PHF20L1: variants seen among roughly 807,000 people sequenced by gnomAD.
PHF20L1 encodes PHD finger protein 20-like protein 1.
PHF20L1 carries 44 observed loss-of-function variants against 125.5 expected under a neutral mutation model. The observed-to-expected ratio is 0.35, with a 90% CI of 0.28 to 0.45. PHF20L1 has a LOEUF of 0.45. PHF20L1 is among the 20% of genes least tolerant of loss of function. PHF20L1 has a pLI of 1.00. For missense variants in PHF20L1, 1,012 were observed against 1,217.2 expected, an observed-to-expected ratio of 0.83 and a Z score of 2.51; for synonymous variants, 380 against 403.1, an observed-to-expected ratio of 0.94 and a Z score of 0.69.
At chr8:132,775,789 C>A (rs1829638083) in intron 1 of PHF20L1, 144 bp downstream of exon 1, 1 of 231,558 alleles carries the variant, frequency 4.3e-6, no homozygotes, top group East Asian at 8.5e-5. Flanking sequence ...GTCTGGGCGC[C>A]GCAGCTCCCT....
chr8:132,789,574 A>T (rs989799557), intron 2 of PHF20L1, among the ~76,000 whole-genome samples: 2 of 152,170 alleles, frequency 1.3e-5, no homozygotes, highest in African/African-American at 4.8e-5. Flanking sequence ...CATTTCCATT[A>T]AGCCAAATAA....
chr8:132,841,545 A>T (rs1837935400), intron 18 of PHF20L1: 1 of 152,138 alleles, frequency 6.6e-6, no homozygotes, highest in Non-Finnish European at 1.5e-5. Flanking sequence ...TGCAAACATT[A>T]TTGAGCCTTT....
chr8:132,792,834 T>TTGA (rs1204432511), intron 2 of PHF20L1, among the ~76,000 whole-genome samples: 1 of 152,336 alleles, frequency 6.6e-6, no homozygotes, highest in Non-Finnish European at 1.5e-5. Context: ...ACATGTTTTC[T>TTGA]TGACTCTAGT....
intron 2 of PHF20L1, among the ~76,000 whole-genome samples, chr8:132,787,826 TA>T (rs1563784541): frequency 6.6e-6 from 1 of 152,110 alleles, no homozygotes; most frequent in Non-Finnish European, 1.5e-5. Context: ...TTTTAAAGGG[TA>T]ACTAGGATAC....
chr8:132,833,845 C>T (rs941396), intron 15 of PHF20L1, among the ~76,000 whole-genome samples: 70,144 of 151,844 alleles, frequency 0.46, 16,343 homozygotes, highest in South Asian at 0.52. Context: ...ATTAATAAGG[C>T]CTTAGGCCAG....
chr8:132,804,522 T>G lies in PHF20L1; in HGVS notation c.722-93T>G. The G allele has an allele frequency of 3.2e-6, 3 of 941,180 alleles. No individual in the cohort carries two copies. The South Asian group carries it at 4.9e-5, about 15-fold the overall frequency. 58.3% of individuals were successfully genotyped at this position (941,180 alleles called of 1,614,324 possible). A position where few individuals can be genotyped will look rare whatever the true frequency, so the allele number is the denominator to read the frequency against. ...AAGTAGTAGATTAAAAAAACTAATG[T>G]GCAAAGCATTTTTACTATTTTGCTG... On this transcript the variant is annotated intron_variant, in intron 7 of 20. Coordinates refer to ENST00000395386, the MANE Select transcript of PHF20L1 (RefSeq NM_016018.5).
chr8:132,791,478 C>T (rs189024068), intron 2 of PHF20L1, among the ~76,000 whole-genome samples: 2 of 152,144 alleles, frequency 1.3e-5, no homozygotes. Context: ...GTCTCAAACT[C>T]CCGACCTCAG....
intron 1 of PHF20L1, among the ~76,000 whole-genome samples, chr8:132,776,180 C>A (rs1023615346): frequency 6.6e-6 from 1 of 152,298 alleles, no homozygotes; most frequent in East Asian, 1.9e-4. Context: ...TAATTCAAAT[C>A]CCTCTTCATC....
chr8:132,805,704 G>A (rs1301184763), intron 8 of PHF20L1, among the ~76,000 whole-genome samples: 1 of 151,934 alleles, frequency 6.6e-6, no homozygotes, highest in African/African-American at 2.4e-5. Context: ...TCTGAAGAGA[G>A]GAAGCTAACT....
intron 13 of PHF20L1, chr8:132,824,883 C>A: frequency 8.0e-6 from 3 of 375,446 alleles, no homozygotes; most frequent in Non-Finnish European, 1.3e-5. Context: ...TTTTAAATCT[C>A]CTAATTTATT....
chr8:132,805,539 T>G (rs1305466347), intron 8 of PHF20L1, among the ~76,000 whole-genome samples: 3 of 151,992 alleles, frequency 2.0e-5, no homozygotes, highest in Admixed American at 1.3e-4. Flanking sequence ...CTTTCATGAT[T>G]TAGTCATATG....
In PHF20L1 at chr8:132,848,751, C is replaced by G. The variant is rs200187079; in HGVS notation, c.*2828C>G. 39,666 of 151,780 alleles carry G rather than the reference C, an allele frequency of 0.26. 6,342 individuals carry two copies. Among genetic ancestry groups the G allele is most frequent in the South Asian group, 0.45 (2,180 of 4,804 alleles). The allele number at this position is 151,780 out of a possible 1,614,324, so 9.4% of individuals were successfully genotyped here. A position where few individuals can be genotyped will look rare whatever the true frequency, so the allele number is the denominator to read the frequency against. ...TATTTCCTCTCAGATGTTCATATTT[C>G]ACATGTTCAAAATGAAGCGTACTAT... On this transcript the variant is annotated 3_prime_UTR_variant, in exon 21 of 21. Coordinates refer to ENST00000395386, the MANE Select transcript of PHF20L1 (RefSeq NM_016018.5).
At position 132,794,428 on chromosome 8, in the gene PHF20L1, A is replaced by G; in HGVS notation, c.102A>G (p.Glu34=). 6.2e-7 allele frequency: 1 copy of G among 1,607,452 alleles called. No homozygotes were observed. The highest frequency in any genetic ancestry group is 8.5e-7 in the Non-Finnish European group (1 of 1,175,846). The change falls in exon 3 of 21, where the codon GAA becomes GAG. Residue 34 remains glutamate (E), a synonymous_variant. Transcript: ENST00000395386. ...YLQKWYPSRI[E]KIDYEEGKML... is the part of the protein sequence containing the mutation. Reference sequence around the variant, plus strand: ...TTTTGAGGTATCCATCACGAATTGAAAAAATTGACTATGAGGAGGGCAAGA... The same window carrying G: ...TTTTGAGGTATCCATCACGAATTGAGAAAATTGACTATGAGGAGGGCAAGA...
chr8:132,825,155 C>T (rs747481610), intron 13 of PHF20L1, 109 bp from the exon 14 acceptor site: 1 of 1,554,480 alleles, frequency 6.4e-7, no homozygotes, highest in Non-Finnish European at 8.8e-7. Flanking sequence ...CCACTCTGGG[C>T]AGGTGACTGG....
chr8:132,813,303 T>G (rs1834591471), intron 9 of PHF20L1: 1 of 163,690 alleles, frequency 6.1e-6, no homozygotes, highest in Non-Finnish European at 1.3e-5. Flanking sequence ...ACATTTATAA[T>G]GAGTAAATTC....
intron 2 of PHF20L1, among the ~76,000 whole-genome samples, chr8:132,784,430 A>G (rs553333570): frequency 2.0e-5 from 3 of 152,274 alleles, no homozygotes; most frequent in Non-Finnish European, 4.4e-5. Context: ...TACAGTTTAG[A>G]TGATCTTTCA....
At chr8:132,794,284 A>T (rs1200263290) in intron 2 of PHF20L1, 126 bp from the exon 3 acceptor site, 1 of 585,870 alleles carries the variant, frequency 1.7e-6, no homozygotes, top group African/African-American at 1.9e-5. Flanking sequence ...GTTTTAAAAT[A>T]TGGACGTATT....
rs773759522 is a variant in PHF20L1 at position 132,832,303 on chromosome 8, T to G, written c.1813T>G (p.Ser605Ala). ...ERCSSPLTRS[S>A]GSSLASRSMF... ...GTGCTCTTCTCCACTAACTCGATCT[T>G]CTGGGAGTTCTCTGGCTTCACGAAG... Residue 605 changes from serine (S) to alanine (A), a missense_variant, in exon 15 of 21, where the codon TCT becomes GCT. Physicochemically the swap from Ser to Ala is moderately conservative, Grantham distance 99. Transcript: ENST00000395386. The G allele has an allele frequency of 1.9e-6, 3 of 1,609,284 alleles. No homozygotes were observed. Among genetic ancestry groups the G allele is most frequent in the South Asian group, 1.1e-5 (1 of 90,956 alleles).
intron 12 of PHF20L1, among the ~76,000 whole-genome samples, chr8:132,822,754 A>G (rs1051068224): frequency 6.6e-6 from 1 of 151,992 alleles, no homozygotes; most frequent in African/African-American, 2.4e-5. Context: ...CTTACTTGCT[A>G]GAGCCTTATT....
Sources: allele counts gnomAD v4.1 joint callset (sites outside exome capture counted in the v4.1 genomes callset), GRCh38; gene constraint gnomAD v4.1.1; transcripts MANE v1.5; gene names NCBI Gene and HGNC (gene_info 2026-07-23, HGNC 2026-07-21).